SPMIP2: variants seen among roughly 807,000 people sequenced by gnomAD.
SPMIP2 encodes sperm microtubule inner protein 2.
At chr4:158,957,990 T>C in the SPMIP2 span, among the ~76,000 whole-genome samples, 2 of 152,168 alleles carry the variant, frequency 1.3e-5, no homozygotes, top group African/African-American at 2.4e-5. Context: ...CAGTATGGTC[T>C]GTTGTTATTT....
the SPMIP2 span, among the ~76,000 whole-genome samples, chr4:158,981,198 A>G: frequency 1.3e-5 from 2 of 152,212 alleles, no homozygotes; most frequent in African/African-American, 4.8e-5. Context: ...AAGAAATATG[A>G]GACTATGTGA....
At chr4:158,986,750 G>A in the SPMIP2 span, among the ~76,000 whole-genome samples, 3 of 152,162 alleles carry the variant, frequency 2.0e-5, no homozygotes, top group Non-Finnish European at 2.9e-5. Context: ...AATGCCAAAA[G>A]CAATGGCAAC....
chr4:158,896,630 C>T, the SPMIP2 span, among the ~76,000 whole-genome samples: 1 of 152,126 alleles, frequency 6.6e-6, no homozygotes, highest in Non-Finnish European at 1.5e-5. Flanking sequence ...TTAGATTTCT[C>T]ATCTTTCACA....
At chr4:158,984,210 C>A in the SPMIP2 span, among the ~76,000 whole-genome samples, 1 of 5,492 alleles carries the variant, frequency 1.8e-4, no homozygotes, top group East Asian at 0.016. Context: ...ACTTTAACAC[C>A]CCACTGTCAA....
the SPMIP2 span, among the ~76,000 whole-genome samples, chr4:159,011,168 C>G: frequency 6.6e-6 from 1 of 152,164 alleles, no homozygotes; most frequent in Non-Finnish European, 1.5e-5. Context: ...GCCAATTTTA[C>G]TTCAATCTGT....
At chr4:158,929,908 G>GT in the SPMIP2 span, among the ~76,000 whole-genome samples, 1 of 152,106 alleles carries the variant, frequency 6.6e-6, no homozygotes. Flanking sequence ...GAGTTCATGT[G>GT]TATGGTCCTT....
chr4:158,985,214 A>T, the SPMIP2 span, among the ~76,000 whole-genome samples: 3 of 142,586 alleles, frequency 2.1e-5, no homozygotes, highest in Non-Finnish European at 3.1e-5. Context: ...ACAAGGAGGA[A>T]CTGGTACCAT....
chr4:159,044,935 T>C, the SPMIP2 span, among the ~76,000 whole-genome samples: 3 of 151,922 alleles, frequency 2.0e-5, no homozygotes, highest in Admixed American at 6.6e-5. Context: ...CTACTAGAAA[T>C]ACAAAAATTG....
the SPMIP2 span, among the ~76,000 whole-genome samples, chr4:158,994,834 TTAC>T: frequency 6.6e-6 from 1 of 152,214 alleles, no homozygotes; most frequent in Non-Finnish European, 1.5e-5. Context: ...TAGAGATTAA[TTAC>T]TACAACTGCT....
chr4:158,945,152 A>G, the SPMIP2 span, among the ~76,000 whole-genome samples: 1 of 152,154 alleles, frequency 6.6e-6, no homozygotes, highest in Non-Finnish European at 1.5e-5. Flanking sequence ...TCACTTTTGA[A>G]CATTTGTTAC....
chr4:159,050,749 T>G, the SPMIP2 span, among the ~76,000 whole-genome samples: 3 of 151,414 alleles, frequency 2.0e-5, no homozygotes, highest in Non-Finnish European at 2.9e-5. Flanking sequence ...TGAGTTATGA[T>G]TATAACACTA....
the SPMIP2 span, among the ~76,000 whole-genome samples, chr4:159,076,598 G>T: frequency 6.6e-6 from 1 of 152,150 alleles, no homozygotes; most frequent in Non-Finnish European, 1.5e-5. Flanking sequence ...AAGTCCTGAT[G>T]TCCATTTTTT....
the SPMIP2 span, among the ~76,000 whole-genome samples, chr4:158,916,600 TTTTGC>T: frequency 2.6e-5 from 4 of 151,702 alleles, no homozygotes; most frequent in South Asian, 8.4e-4. Flanking sequence ...TTTTGTCTGC[TTTTGC>T]TTTATGTATG....
chr4:158,933,430 TC>T, the SPMIP2 span, among the ~76,000 whole-genome samples: 1 of 152,174 alleles, frequency 6.6e-6, no homozygotes, highest in East Asian at 1.9e-4. Context: ...AAACAGAGAC[TC>T]ACTATTTAAA....
the SPMIP2 span, among the ~76,000 whole-genome samples, chr4:158,927,319 T>G: frequency 1.3e-5 from 2 of 152,234 alleles, no homozygotes; most frequent in Non-Finnish European, 2.9e-5. Flanking sequence ...AACTCTTTGA[T>G]TACTACTGTC....
At chr4:159,026,348 C>A in the SPMIP2 span, 1 of 673,766 alleles carries the variant, frequency 1.5e-6, no homozygotes, top group Non-Finnish European at 2.8e-6. Context: ...GAAGAAACTA[C>A]AGCTCATAGC....
chr4:158,971,275 C>T, the SPMIP2 span, among the ~76,000 whole-genome samples: 1 of 152,170 alleles, frequency 6.6e-6, no homozygotes, highest in Non-Finnish European at 1.5e-5. Context: ...TTTATTCAAC[C>T]CAGCCGCCTT....
the SPMIP2 span, among the ~76,000 whole-genome samples, chr4:158,936,945 T>C: frequency 6.6e-6 from 1 of 152,190 alleles, no homozygotes; most frequent in Non-Finnish European, 1.5e-5. Flanking sequence ...AGGCTAACAG[T>C]GCACACAGCT....
chr4:158,979,511 C>T, the SPMIP2 span, among the ~76,000 whole-genome samples: 2 of 152,222 alleles, frequency 1.3e-5, no homozygotes, highest in African/African-American at 2.4e-5. Flanking sequence ...TTCTGCATTT[C>T]CAACTGAGGT....
Sources: gnomAD v4.1 joint callset for allele counts (sites outside exome capture counted in the v4.1 genomes callset) on GRCh38, gnomAD v4.1.1 for gene constraint, MANE v1.5 for transcripts, NCBI Gene and HGNC (gene_info 2026-07-23, HGNC 2026-07-21) for gene names.